The following RAD51B variants were observed in gnomAD, a reference collection of about 807,000 sequenced individuals.
RAD51B encodes RAD51 paralog B, also known as DNA repair protein RAD51 homolog 2.
A neutral mutation model predicts 42.2 loss-of-function variants in RAD51B; 38 were observed. That is an observed-to-expected ratio of 0.90 (90% confidence interval 0.70 to 1.18). The LOEUF is 1.18. Ranked by LOEUF, RAD51B falls within the 50% of genes most tolerant of loss-of-function variation. The pLI is 0.00. For missense variants in RAD51B, 373 were observed against 400.7 expected, an observed-to-expected ratio of 0.93 and a Z score of 0.59; for synonymous variants, 154 against 145.2, an observed-to-expected ratio of 1.06 and a Z score of -0.43.
chr14:68,365,946 T>C (rs1040524289), intron 8 of RAD51B, among the ~76,000 whole-genome samples: 1 of 152,084 alleles, frequency 6.6e-6, no homozygotes, highest in African/African-American at 2.4e-5. Context: ...ATTTGTGAAA[T>C]ATTTAGGCAG....
intron 7 of RAD51B, among the ~76,000 whole-genome samples, chr14:67,896,745 A>G (rs2043433734): frequency 6.6e-6 from 1 of 152,206 alleles, no homozygotes; most frequent in Non-Finnish European, 1.5e-5. Context: ...TGATATTTTT[A>G]CATATCCTTT....
At chr14:67,927,086 T>C (rs1024220909) in intron 7 of RAD51B, among the ~76,000 whole-genome samples, 2 of 152,258 alleles carry the variant, frequency 1.3e-5, no homozygotes, top group African/African-American at 2.4e-5. Context: ...ATCACTATGG[T>C]TCATATCCAT....
At chr14:67,844,150 G>A (rs1006949745) in intron 4 of RAD51B, among the ~76,000 whole-genome samples, 3 of 151,530 alleles carry the variant, frequency 2.0e-5, no homozygotes, top group African/African-American at 4.8e-5. Flanking sequence ...CCATGTAATT[G>A]TATGGTTTTA....
chr14:68,447,735 T>A (rs888876502), intron 9 of RAD51B, among the ~76,000 whole-genome samples: 1 of 152,108 alleles, frequency 6.6e-6, no homozygotes, highest in Admixed American at 6.5e-5. Context: ...CCATGACCTT[T>A]TTTTTTTTAA....
At chr14:67,964,048 T>C (rs1234815332) in intron 7 of RAD51B, among the ~76,000 whole-genome samples, 1 of 152,050 alleles carries the variant, frequency 6.6e-6, no homozygotes, top group Non-Finnish European at 1.5e-5. Flanking sequence ...CCTGACTTTC[T>C]ATGCTGTTCT....
intron 7 of RAD51B, among the ~76,000 whole-genome samples, chr14:67,903,328 AC>A (rs1365392858): frequency 1.3e-5 from 2 of 152,150 alleles, no homozygotes; most frequent in Middle Eastern, 3.2e-3. Flanking sequence ...TCAGAATCTT[AC>A]CGCTTCTAGG....
At chr14:68,187,626 A>T (rs918271187) in intron 7 of RAD51B, among the ~76,000 whole-genome samples, 2 of 152,218 alleles carry the variant, frequency 1.3e-5, no homozygotes, top group African/African-American at 4.8e-5. Context: ...GGAGGAAGGG[A>T]AAAAGTTCCC....
chr14:68,057,461 A>C (rs1181880737), intron 7 of RAD51B, among the ~76,000 whole-genome samples: 1 of 152,118 alleles, frequency 6.6e-6, no homozygotes, highest in African/African-American at 2.4e-5. Flanking sequence ...ACTTTCTGAA[A>C]ACTCCTTTGC....
chr14:68,010,022 G>A (rs2075657268), intron 7 of RAD51B, among the ~76,000 whole-genome samples: 1 of 151,700 alleles, frequency 6.6e-6, no homozygotes, highest in Non-Finnish European at 1.5e-5. Context: ...CCTGTTTTGT[G>A]AACAATTGAG....
intron 7 of RAD51B, among the ~76,000 whole-genome samples, chr14:67,961,868 C>A (rs1355655328): frequency 6.6e-6 from 1 of 152,102 alleles, no homozygotes; most frequent in Non-Finnish European, 1.5e-5. Context: ...GAAAAGAGAT[C>A]GCTGACTACA....
chr14:68,363,763 G>A (rs554748577), intron 8 of RAD51B, among the ~76,000 whole-genome samples: 1 of 152,276 alleles, frequency 6.6e-6, no homozygotes, highest in East Asian at 1.9e-4. Context: ...ACACGCGTGT[G>A]TGGGTGCAGT....
At chr14:67,844,550 A>C (rs1005820700) in intron 4 of RAD51B, among the ~76,000 whole-genome samples, 1 of 150,628 alleles carries the variant, frequency 6.6e-6, no homozygotes, top group African/African-American at 2.4e-5. Flanking sequence ...TAGGATAATT[A>C]GGTCTTTTTG....
rs891521987 is a variant in RAD51B, at chr14:67,887,135, A to T, written c.687A>T (p.Lys229Asn). ...EFDAQLQGNL[K>N]ERNKFLAREA... ...ATGCACAACTTCAAGGCAATCTCAA[A>T]GAAAGAAACAAGTTCTTGGCAAGAG... Residue 229 changes from lysine to asparagine, a missense_variant, in exon 7 of 11, where the codon AAA (lysine) becomes AAT (asparagine). Physicochemically the swap from Lys to Asn is moderately conservative, Grantham distance 94. Transcript: ENST00000471583. 2 of 1,611,976 alleles carry T rather than the reference A, an allele frequency of 1.2e-6. No individual in the cohort carries two copies. The highest frequency in any genetic ancestry group is 1.7e-6 in the Non-Finnish European group (2 of 1,178,682).
chr14:67,996,773 G>A (rs2075392548), intron 7 of RAD51B, among the ~76,000 whole-genome samples: 1 of 152,192 alleles, frequency 6.6e-6, no homozygotes, highest in Non-Finnish European at 1.5e-5. Flanking sequence ...CTGGCTGCTG[G>A]TTGATACTAG....
chr14:67,976,694 C>G (rs1344187893), intron 7 of RAD51B, among the ~76,000 whole-genome samples: 2 of 151,890 alleles, frequency 1.3e-5, no homozygotes, highest in Non-Finnish European at 2.9e-5. Context: ...GCAATGGCAA[C>G]AAAAGCCAAA....
chr14:68,482,769 G>A (rs7156527), downstream of RAD51B, among the ~76,000 whole-genome samples: 3,021 of 152,238 alleles, frequency 0.02, 99 homozygotes, highest in African/African-American at 0.069. Context: ...TCTGAATTTC[G>A]GTGAGGGCAG....
intron 10 of RAD51B, among the ~76,000 whole-genome samples, chr14:68,550,512 G>A (rs919974341): frequency 6.6e-6 from 1 of 152,216 alleles, no homozygotes; most frequent in East Asian, 1.9e-4. Context: ...TAGAAGAGGT[G>A]TGCCTGGTGT....
At position 67,961,672 on chromosome 14, in the gene RAD51B, C is replaced by G. The variant is rs1023225360; in HGVS notation, c.756+74468C>G. 6.6e-5 allele frequency among the ~76,000 whole-genome samples: 10 copies of G among 152,258 alleles called. No individual in the cohort carries two copies. The East Asian group carries it at 1.5e-3, about 24-fold the overall frequency. On this transcript the variant is annotated intron_variant, in intron 7 of 10. Transcript: ENST00000471583. ...TATAGTATAGTTGAAGGAAACGGTC[C>G]TACCGTTTCCTTGCTTAGACAAATC...
chr14:68,229,578 A>G (rs1209445638), intron 7 of RAD51B, among the ~76,000 whole-genome samples: 1 of 152,194 alleles, frequency 6.6e-6, no homozygotes, highest in African/African-American at 2.4e-5. Flanking sequence ...TATCTGCAAT[A>G]AAATCTGGAT....
Sources: gnomAD v4.1 joint callset for allele counts (sites outside exome capture counted in the v4.1 genomes callset) on GRCh38, gnomAD v4.1.1 for gene constraint, MANE v1.5 for transcripts, NCBI Gene and HGNC (gene_info 2026-07-23, HGNC 2026-07-21) for gene names.